The following ZMYM5 variants were observed in gnomAD, a reference collection of about 807,000 sequenced individuals.
The protein encoded by ZMYM5 is zinc finger MYM-type protein 5.
In ZMYM5, 41 loss-of-function variants were observed where a neutral mutation model predicts 61.8. The observed-to-expected ratio is 0.66, with a 90% CI of 0.52 to 0.86. The LOEUF (loss-of-function observed/expected upper bound fraction) is 0.86, where lower values mean the gene tolerates loss of function less well. Ranked by LOEUF, ZMYM5 falls within the 40% of genes least tolerant of loss-of-function variation. ZMYM5 has a pLI of 0.00. For synonymous variants in ZMYM5, 257 were observed against 276.4 expected, an observed-to-expected ratio of 0.93 and a Z score of 0.70; for missense variants, 706 against 786.7, an observed-to-expected ratio of 0.90 and a Z score of 1.23.
chr13:19,845,150 T>C (rs1188218438), intron 4 of ZMYM5, among the ~76,000 whole-genome samples: 1 of 152,126 alleles, frequency 6.6e-6, no homozygotes, highest in Non-Finnish European at 1.5e-5. Context: ...ATATAAACAT[T>C]AACAGATAAT....
intron 5 of ZMYM5, among the ~76,000 whole-genome samples, chr13:19,838,105 A>G (rs1952732784): frequency 6.6e-6 from 1 of 152,016 alleles, no homozygotes; most frequent in Non-Finnish European, 1.5e-5. Flanking sequence ...GGCTGGGCAC[A>G]GTAGCTCACA....
intron 4 of ZMYM5, 25 bp from the exon 5 acceptor site, chr13:19,839,010 T>C (rs1246248139): frequency 1.9e-6 from 3 of 1,593,072 alleles, no homozygotes; most frequent in Non-Finnish European, 2.6e-6. Flanking sequence ...AAGAAAAAAA[T>C]CATGGAACAA....
intron 7 of ZMYM5, among the ~76,000 whole-genome samples, chr13:19,833,654 T>C (rs1685608973): frequency 6.6e-6 from 1 of 152,174 alleles, no homozygotes. Flanking sequence ...GAAAAGATTC[T>C]AGAAGGAAAT....
intron 6 of ZMYM5, chr13:19,837,383 C>A: frequency 7.1e-7 from 1 of 1,399,064 alleles, no homozygotes; most frequent in East Asian, 2.9e-5. Context: ...TTAATGTCAT[C>A]AGTAATAACA....
intron 7 of ZMYM5, among the ~76,000 whole-genome samples, chr13:19,831,787 CAAAAAAAAAAAAAAA>C (rs1190448216): frequency 1.1e-4 from 4 of 36,682 alleles, no homozygotes; most frequent in African/African-American, 5.5e-4. Flanking sequence ...GACTCTGTCT[CAAAAAAAAAAAAAAA>C]AAAAAAAAAA....
intron 7 of ZMYM5, among the ~76,000 whole-genome samples, chr13:19,825,647 A>G (rs1890875977): frequency 6.6e-6 from 1 of 151,790 alleles, no homozygotes; most frequent in African/African-American, 2.4e-5. Context: ...ACCCTGTCCC[A>G]AAAGAAGAAG....
chr13:19,860,432 G>A (rs1228549132), intron 2 of ZMYM5, among the ~76,000 whole-genome samples: 1 of 91,424 alleles, frequency 1.1e-5, no homozygotes, highest in South Asian at 4.7e-4. Context: ...GGCTAATTTT[G>A]TGTGTGTGTG....
intron 2 of ZMYM5, among the ~76,000 whole-genome samples, chr13:19,861,569 G>T (rs201022663): frequency 1.3e-5 from 2 of 152,218 alleles, no homozygotes; most frequent in Middle Eastern, 3.2e-3. Context: ...AGGGTAAAAG[G>T]AAGGCAGGAA....
chr13:19,857,063 G>A (rs1490213645), intron 2 of ZMYM5, among the ~76,000 whole-genome samples: 2 of 152,172 alleles, frequency 1.3e-5, no homozygotes, highest in Non-Finnish European at 2.9e-5. Context: ...CCGAGATCCC[G>A]CCACTGCACT....
At chr13:19,858,891 T>C (rs186725576) in intron 2 of ZMYM5, among the ~76,000 whole-genome samples, 4 of 152,140 alleles carry the variant, frequency 2.6e-5, no homozygotes, top group Non-Finnish European at 5.9e-5. Flanking sequence ...TTGAGAGATA[T>C]CTTCCCTCCC....
At chr13:19,839,442 G>A (rs968866147) in intron 4 of ZMYM5, among the ~76,000 whole-genome samples, 17 of 151,950 alleles carry the variant, frequency 1.1e-4, no homozygotes, top group African/African-American at 3.9e-4. Flanking sequence ...AGACCGGAGT[G>A]CAATGGCACA....
At chr13:19,838,291 T>C (rs1318352633) in intron 5 of ZMYM5, among the ~76,000 whole-genome samples, 1 of 152,134 alleles carries the variant, frequency 6.6e-6, no homozygotes, top group Admixed American at 6.6e-5. Context: ...GGCAGGAGAA[T>C]CGCTTGAACC....
chr13:19,837,958 A>G (rs1952728088), intron 5 of ZMYM5, 137 bp from the exon 6 acceptor site: 1 of 1,016,426 alleles, frequency 9.8e-7, no homozygotes, highest in African/African-American at 1.7e-5. Flanking sequence ...GATGCAGCAA[A>G]TCCACTTTTG....
rs546998773 is a variant in ZMYM5, at chr13:19,840,075, T to C, written c.587-1090A>G. On this transcript the variant is annotated intron_variant, in intron 4 of 7. Coordinates refer to ENST00000337963, the MANE Select transcript of ZMYM5 (RefSeq NM_001142684.2). ...CTGATACTCTGCATTTCTAACCAACTCTCAGATGATGGTGAAGCTTTGAGA... is the reference window on the plus strand; with the variant it reads ...CTGATACTCTGCATTTCTAACCAACCCTCAGATGATGGTGAAGCTTTGAGA... 2.2e-3 allele frequency among the ~76,000 whole-genome samples: 337 copies of C among 152,338 alleles called. 1 individual carries two copies. The highest frequency in any genetic ancestry group is 8.0e-3 in the African/African-American group (334 of 41,586).
chr13:19,862,538 G>A (rs1180441305), intron 1 of ZMYM5, 72 bp from the exon 2 acceptor site: 1 of 152,226 alleles, frequency 6.6e-6, no homozygotes, highest in African/African-American at 2.4e-5. Flanking sequence ...ACCGTGAGGT[G>A]GCAAAGGGGT....
At chr13:19,832,325 C>CT (rs1012146667) in intron 7 of ZMYM5, among the ~76,000 whole-genome samples, 4 of 151,388 alleles carry the variant, frequency 2.6e-5, no homozygotes, top group Admixed American at 6.6e-5. Flanking sequence ...GTAAATCATC[C>CT]TTTTTTTGTT....
intron 5 of ZMYM5, 27 bp from the exon 6 acceptor site, chr13:19,837,848 T>C: frequency 1.3e-6 from 2 of 1,564,116 alleles, no homozygotes; most frequent in Admixed American, 2.3e-5. Context: ...AGACACATAA[T>C]TTAAGAACAC....
Position 19,851,750 on chromosome 13 carries a change from G to C in ZMYM5, c.431C>G (p.Pro144Arg), listed in dbSNP as rs753717208. The stretch of plus-strand genomic sequence containing the variant: ...ATCGTTGGTTTTGTTTTTAGTTCCA[G>C]GAAGTCCCCATTCGATAAAACAGGA... ...KSSCFIEWGL[P>R]GTKNKTNDLD... The change falls in exon 3 of 8, where the codon CCT becomes CGT. Residue 144 changes from proline to arginine, a missense_variant. Pro to Arg is a moderately radical substitution (Grantham distance 103). Around this residue, in one of 2 missense-constraint regions of ZMYM5, gnomAD observed 480 missense variants for 461.7 expected, o/e 1.04. Transcript: ENST00000337963. The C allele has an allele frequency of 6.3e-7, 1 of 1,594,352 alleles. No individual in the cohort carries two copies. The highest frequency in any genetic ancestry group is 1.9e-5 in the Admixed American group (1 of 53,806).
chr13:19,827,198 T>C (rs987797531), intron 7 of ZMYM5, among the ~76,000 whole-genome samples: 1 of 152,196 alleles, frequency 6.6e-6, no homozygotes, highest in Non-Finnish European at 1.5e-5. Flanking sequence ...ATAAAGTGTT[T>C]ATAAAAATTA....
Sources: gnomAD v4.1 joint callset for allele counts (sites outside exome capture counted in the v4.1 genomes callset) on GRCh38, gnomAD v4.1.1 for gene constraint, gnomAD v4.1.1 regional missense constraint, MANE v1.5 for transcripts, NCBI Gene and HGNC (gene_info 2026-07-23, HGNC 2026-07-21) for gene names.